C12orf42: variants seen among roughly 807,000 people sequenced by gnomAD.
C12orf42 encodes the protein chromosome 12 open reading frame 42.
Under a neutral mutation model 21.6 loss-of-function variants are expected in C12orf42, and 25 were observed. The observed-to-expected ratio is 1.16, with a 90% CI of 0.84 to 1.62. The LOEUF (loss-of-function observed/expected upper bound fraction) is 1.62. Among genes scored for constraint, C12orf42 ranks in the 40% most tolerant of loss-of-function variants. The pLI is 0.00. For missense variants in C12orf42, 483 were observed against 459.3 expected (o/e 1.05, Z -0.47); for synonymous variants, 174 against 175.0 (o/e 0.99, Z 0.05).
chr12:103,275,624 T>C (rs575909694), intron 5 of C12orf42, among the ~76,000 whole-genome samples: 1 of 151,956 alleles, frequency 6.6e-6, no homozygotes, highest in Admixed American at 6.6e-5. Context: ...GAAGGGCATA[T>C]AAATAGAGAA....
intron 3 of C12orf42, among the ~76,000 whole-genome samples, chr12:103,383,309 A>G (rs7980116): frequency 0.66 from 99,711 of 151,740 alleles, 33,103 homozygotes; most frequent in Admixed American, 0.74. Flanking sequence ...TCACCATGTT[A>G]GTCAGGCTGG....
the C12orf42 span, among the ~76,000 whole-genome samples, chr12:103,179,281 A>G: frequency 2.6e-5 from 4 of 152,232 alleles, no homozygotes; most frequent in Non-Finnish European, 4.4e-5. Flanking sequence ...GGAGACAGAC[A>G]TGTTTTAAAG....
chr12:103,055,805 C>A, the C12orf42 span, among the ~76,000 whole-genome samples: 1 of 151,810 alleles, frequency 6.6e-6, no homozygotes, highest in East Asian at 1.9e-4. Context: ...CTTCTTTGAC[C>A]GATGCAATAT....
chr12:103,292,716 A>G (rs958357960), intron 4 of C12orf42, among the ~76,000 whole-genome samples: 6 of 152,124 alleles, frequency 3.9e-5, no homozygotes, highest in African/African-American at 1.4e-4. Flanking sequence ...ACTAATAATA[A>G]GACTGAAATC....
intron 4 of C12orf42, among the ~76,000 whole-genome samples, chr12:103,284,399 A>G (rs1018909141): frequency 6.6e-6 from 1 of 152,214 alleles, no homozygotes; most frequent in African/African-American, 2.4e-5. Flanking sequence ...CCAACCTTAT[A>G]GAGCTCTATT....
chr12:103,219,396 C>CA, the C12orf42 span, among the ~76,000 whole-genome samples: 1 of 152,062 alleles, frequency 6.6e-6, no homozygotes, highest in African/African-American at 2.4e-5. Flanking sequence ...CAACAAAAGC[C>CA]AAAATTGACA....
chr12:103,310,301 C>T (rs2038847555), intron 4 of C12orf42, among the ~76,000 whole-genome samples: 1 of 152,112 alleles, frequency 6.6e-6, no homozygotes, highest in Non-Finnish European at 1.5e-5. Flanking sequence ...CTTGCTCCTA[C>T]TTTTGCCATG....
the C12orf42 span, among the ~76,000 whole-genome samples, chr12:103,077,483 T>G: frequency 6.6e-6 from 1 of 152,300 alleles, no homozygotes; most frequent in African/African-American, 2.4e-5. Context: ...TTAAATAACT[T>G]GCCCAAAATC....
the C12orf42 span, among the ~76,000 whole-genome samples, chr12:103,051,772 G>T: frequency 6.6e-6 from 1 of 152,064 alleles, no homozygotes; most frequent in Non-Finnish European, 1.5e-5. Flanking sequence ...CTACTATTGT[G>T]CCACTCAGTC....
chr12:103,075,833 A>G, the C12orf42 span, among the ~76,000 whole-genome samples: 13 of 152,316 alleles, frequency 8.5e-5, no homozygotes, highest in African/African-American at 3.1e-4. Flanking sequence ...AACCATAATT[A>G]TTAAGACTCT....
chr12:103,376,985 TTA>T (rs1348758961), intron 3 of C12orf42, among the ~76,000 whole-genome samples: 4 of 152,090 alleles, frequency 2.6e-5, no homozygotes, highest in African/African-American at 9.7e-5. Context: ...TTCCTTTAAC[TTA>T]TCTTTTCACT....
chr12:103,421,908 C>G (rs2049948903), intron 2 of C12orf42, among the ~76,000 whole-genome samples: 1 of 152,130 alleles, frequency 6.6e-6, no homozygotes, highest in Non-Finnish European at 1.5e-5. Context: ...TTCCTGGTTA[C>G]ATTCATGCTC....
chr12:103,236,980 A>G (rs1261050832), downstream of C12orf42, among the ~76,000 whole-genome samples: 2 of 152,224 alleles, frequency 1.3e-5, no homozygotes, highest in Non-Finnish European at 2.9e-5. Flanking sequence ...TTACATCCTC[A>G]TCCAATGTCT....
At chr12:103,110,014 G>A in the C12orf42 span, among the ~76,000 whole-genome samples, 1 of 152,054 alleles carries the variant, frequency 6.6e-6, no homozygotes, top group African/African-American at 2.4e-5. Flanking sequence ...ATAAAAGTCT[G>A]GGCGAAAGAG....
the C12orf42 span, among the ~76,000 whole-genome samples, chr12:103,192,021 C>A: frequency 1.3e-5 from 2 of 151,388 alleles, no homozygotes; most frequent in Non-Finnish European, 2.9e-5. Flanking sequence ...TATATTGCTA[C>A]AAAAAATCAT....
intron 2 of C12orf42, among the ~76,000 whole-genome samples, chr12:103,451,310 T>G (rs1313221398): frequency 6.6e-6 from 1 of 152,044 alleles, no homozygotes; most frequent in African/African-American, 2.4e-5. Context: ...CACTACAGCC[T>G]CAACCTCCTA....
chr12:103,322,137 ACACACACACACACG>A (rs1165672739), intron 4 of C12orf42, among the ~76,000 whole-genome samples: 43 of 144,738 alleles, frequency 3.0e-4, no homozygotes, highest in African/African-American at 1.2e-3. Context: ...ACACACACAC[ACACACACACACACG>A]CACACGCACA....
chr12:103,479,512 G>T (rs1488972314), intron 1 of C12orf42, among the ~76,000 whole-genome samples: 1 of 152,026 alleles, frequency 6.6e-6, no homozygotes, highest in Non-Finnish European at 1.5e-5. Context: ...ATGCTTGGTT[G>T]TTCCTGATGT....
At chr12:103,052,141 T>G in the C12orf42 span, among the ~76,000 whole-genome samples, 3 of 152,204 alleles carry the variant, frequency 2.0e-5, no homozygotes. Context: ...TTAAAAATAA[T>G]GCTGCCTTGA....
Sources: gnomAD v4.1 joint callset for allele counts (sites outside exome capture counted in the v4.1 genomes callset) on GRCh38, gnomAD v4.1.1 for gene constraint, MANE v1.5 for transcripts, NCBI Gene and HGNC (gene_info 2026-07-23, HGNC 2026-07-21) for gene names.